Variants in IFT140 observed in about 807,000 individuals in gnomAD.
IFT140 encodes the protein intraflagellar transport protein 140 homolog.
IFT140 carries 133 observed loss-of-function variants against 164.6 expected under a neutral mutation model. The ratio of observed to expected loss-of-function variants is 0.81; its 90% CI spans 0.70 to 0.93. The LOEUF (loss-of-function observed/expected upper bound fraction) is 0.93. Ranked by LOEUF, IFT140 falls within the 40% of genes least tolerant of loss-of-function variation. IFT140 has a pLI of 0.00. For missense variants in IFT140, 2,045 were observed against 1,972.3 expected (o/e 1.04, Z -0.70); for synonymous variants, 860 against 817.3 (o/e 1.05, Z -0.89).
chr16:1,546,790 G>A (rs947632087), intron 19 of IFT140, among the ~76,000 whole-genome samples: 3 of 152,226 alleles, frequency 2.0e-5, no homozygotes, highest in African/African-American at 4.8e-5. Flanking sequence ...AACACTTTTC[G>A]GTGGTTTGAT....
intron 19 of IFT140, 166 bp from the exon 20 acceptor site, chr16:1,526,962 G>A (rs1481227868): frequency 1.5e-6 from 1 of 688,142 alleles, no homozygotes; most frequent in Admixed American, 3.1e-5. Flanking sequence ...TGCAGGCCAT[G>A]CAGAGAGGTG....
intron 4 of IFT140, among the ~76,000 whole-genome samples, chr16:1,598,149 G>C (rs541287523): frequency 1.3e-5 from 2 of 152,102 alleles, no homozygotes; most frequent in Admixed American, 6.5e-5. Flanking sequence ...AAAACTTGGC[G>C]AATAATATGA....
Position 1,573,959 on chromosome 16 carries a change from G to A in IFT140, c.1525-2425C>T, listed in dbSNP as rs374451124. Reference sequence around the variant, plus strand: ...GCCCCCAGAGACCTTAAATGAGGCAGCAGCCACGCCCTGCTCTCCCTTGAG... The same window carrying A: ...GCCCCCAGAGACCTTAAATGAGGCAACAGCCACGCCCTGCTCTCCCTTGAG... On this transcript the variant is annotated intron_variant, in intron 13 of 30. Coordinates refer to ENST00000426508, the MANE Select transcript of IFT140 (RefSeq NM_014714.4). Among the ~76,000 whole-genome samples, 13 of 152,196 alleles carry A rather than the reference G, an allele frequency of 8.5e-5. No homozygotes were observed. In the East Asian group the frequency reaches 2.3e-3, roughly 27 times the overall value.
rs138177941 is a variant in IFT140, at chr16:1,588,952, GC to G, written c.810+652del. On this transcript the variant is annotated intron_variant, in intron 7 of 30. Coordinates refer to ENST00000426508, the MANE Select transcript of IFT140 (RefSeq NM_014714.4). ...TGCCCTGTGGGGACACCGGGAAGAGGCCCCTGCAGGCTGCTTAATGTGGGAT... is the reference window on the plus strand; with the variant it reads ...TGCCCTGTGGGGACACCGGGAAGAGGCCCTGCAGGCTGCTTAATGTGGGAT... Among the ~76,000 whole-genome samples, 1,092 of 152,296 alleles carry G rather than the reference GC, an allele frequency of 7.2e-3. 19 individuals carry two copies. Among genetic ancestry groups the G allele is most frequent in the African/African-American group, 0.025 (1,046 of 41,560 alleles).
chr16:1,542,059 C>T (rs1251053071), intron 19 of IFT140: 2 of 1,608,670 alleles, frequency 1.2e-6, no homozygotes, highest in Non-Finnish European at 1.7e-6. Context: ...GCCATGGCCG[C>T]TGCATTCCAA....
At chr16:1,593,772 T>C (rs1191466594) in intron 4 of IFT140, among the ~76,000 whole-genome samples, 2 of 152,098 alleles carry the variant, frequency 1.3e-5, no homozygotes, top group African/African-American at 4.8e-5. Flanking sequence ...ACTGCCGGCA[T>C]TGACCTCGAC....
At chr16:1,591,687 C>T (rs2141905160) in intron 6 of IFT140, among the ~76,000 whole-genome samples, 1 of 152,308 alleles carries the variant, frequency 6.6e-6, no homozygotes, top group African/African-American at 2.4e-5. Flanking sequence ...ACGGGCTGAA[C>T]ACCAGCCACA....
At chr16:1,517,466 C>T (rs1186728104) in intron 30 of IFT140, among the ~76,000 whole-genome samples, 2 of 152,052 alleles carry the variant, frequency 1.3e-5, no homozygotes, top group African/African-American at 4.8e-5. Flanking sequence ...AGGAGCTGCA[C>T]ATCACTACTC....
intron 3 of IFT140, among the ~76,000 whole-genome samples, chr16:1,605,823 G>A (rs2036030603): frequency 6.6e-6 from 1 of 152,164 alleles, no homozygotes; most frequent in African/African-American, 2.4e-5. Flanking sequence ...AAGATATGTG[G>A]AAGTCCTATC....
Position 1,580,796 on chromosome 16 carries a change from G to A in IFT140, c.1487C>T (p.Thr496Met), listed in dbSNP as rs764537319. The A allele has an allele frequency of 3.3e-5, 53 of 1,613,770 alleles. No homozygotes were observed. The Admixed American group carries it at 3.8e-4, about 12-fold the overall frequency. Reference protein sequence around the residue: ...VLAMHEENVYTVESNRVQVRT... With the variant: ...VLAMHEENVYMVESNRVQVRT... ...AACTTGAACTCGGTTTGACTCCACCGTGTAAACGTTTTCTTCATGCATTGC... is the reference window on the plus strand; with the variant it reads ...AACTTGAACTCGGTTTGACTCCACCATGTAAACGTTTTCTTCATGCATTGC... Residue 496 changes from threonine to methionine, a missense_variant, in exon 13 of 31, where the codon ACG (threonine) becomes ATG (methionine). Transcript: ENST00000426508.
rs1487210393 is a variant in IFT140 at position 1,526,605 on chromosome 16, CG to C, written c.2577+13del. The C allele has an allele frequency of 2.7e-6, 4 of 1,496,732 alleles. No individual in the cohort carries two copies. In the African/African-American group the frequency reaches 4.2e-5, roughly 16 times the overall value. 92.7% of individuals were successfully genotyped at this position (1,496,732 alleles called of 1,614,324 possible). A position where few individuals can be genotyped will look rare whatever the true frequency, so the allele number is the denominator to read the frequency against. ...TGGTGCCTTCCCACCCACCCCATGG[CG>C]GGCGCCCCTCACCAGCATGCCCAGC... On this transcript the variant is annotated intron_variant, in intron 20 of 30. Transcript: ENST00000426508.
At chr16:1,542,757 G>A (rs1299961769) in intron 19 of IFT140, among the ~76,000 whole-genome samples, 2 of 152,244 alleles carry the variant, frequency 1.3e-5, no homozygotes, top group East Asian at 1.9e-4. Flanking sequence ...GGACCATCAC[G>A]AGGCCCTGGC....
intron 14 of IFT140, among the ~76,000 whole-genome samples, chr16:1,569,209 G>A (rs1481082884): frequency 6.6e-6 from 1 of 151,812 alleles, no homozygotes; most frequent in African/African-American, 2.4e-5. Flanking sequence ...GGGTTTCACC[G>A]TGTTAGCCAA....
In IFT140 at chr16:1,610,134, C is replaced by T. The variant is rs2036262995; in HGVS notation, c.-32+530G>A. ...CTCCGGGATGGGGCTCCACGGTGGA[C>T]TCTCGGGGACAGGCACCCGGGGCCA... On this transcript the variant is annotated intron_variant, in intron 2 of 30. Coordinates refer to ENST00000426508, the MANE Select transcript of IFT140 (RefSeq NM_014714.4). 1.9e-5 allele frequency: 3 copies of T among 154,576 alleles called. No individual in the cohort carries two copies. In the Admixed American group the frequency reaches 2.0e-4, roughly 10 times the overall value. The allele number at this position is 154,576 out of a possible 1,614,324, so 9.6% of individuals were successfully genotyped here.
At chr16:1,542,280 C>G (rs1392403741) in intron 19 of IFT140, among the ~76,000 whole-genome samples, 2 of 152,248 alleles carry the variant, frequency 1.3e-5, no homozygotes, top group African/African-American at 4.8e-5. Context: ...GAAACACACC[C>G]AGGCCAAGGA....
At chr16:1,527,159 G>A (rs1025211146) in intron 19 of IFT140, 1 of 256,924 alleles carries the variant, frequency 3.9e-6, no homozygotes, top group Non-Finnish European at 7.4e-6. Flanking sequence ...CTGAGACAAA[G>A]CCTCCTGCTC....
At chr16:1,575,289 G>A (rs112464544) in intron 13 of IFT140, among the ~76,000 whole-genome samples, 3,186 of 152,016 alleles carry the variant, frequency 0.021, 112 homozygotes, top group African/African-American at 0.072. Flanking sequence ...GCAGGAGGAT[G>A]AATTGACCCC....
rs987174665 is a variant in IFT140 at position 1,567,224 on chromosome 16, C to T, written c.1771-933G>A. 1.6e-4 allele frequency among the ~76,000 whole-genome samples: 24 copies of T among 152,224 alleles called. 1 individual carries two copies. Among genetic ancestry groups the T allele is most frequent in the Admixed American group, 1.3e-3 (20 of 15,282 alleles). The stretch of plus-strand genomic sequence containing the variant: ...GCCACGGGGACCAAGTAGGCATCTG[C>T]ACCCACCGACCCTTTGATTCATCTT... On this transcript the variant is annotated intron_variant, in intron 15 of 30. Transcript: ENST00000426508.
intron 15 of IFT140, among the ~76,000 whole-genome samples, 195 bp from the exon 16 acceptor site, chr16:1,566,486 G>T (rs1301437331): frequency 6.6e-6 from 1 of 152,154 alleles, no homozygotes; most frequent in Non-Finnish European, 1.5e-5. Context: ...TTTTGAGACA[G>T]GGTCTCGCTC....
Sources: gnomAD v4.1 joint callset for allele counts (sites outside exome capture counted in the v4.1 genomes callset) on GRCh38, gnomAD v4.1.1 for gene constraint, MANE v1.5 for transcripts, NCBI Gene and HGNC (gene_info 2026-07-23, HGNC 2026-07-21) for gene names.